Variants in STAG1 observed in about 807,000 individuals in gnomAD.
The protein encoded by STAG1 is cohesin subunit SA-1.
Under a neutral mutation model 170.9 loss-of-function variants are expected in STAG1, and 26 were observed. That is an observed-to-expected ratio of 0.15 (90% CI 0.11 to 0.21). STAG1 has a LOEUF of 0.21. Ranked by LOEUF, STAG1 falls within the 10% of genes least tolerant of loss-of-function variation. The probability of loss-of-function intolerance (pLI) is 1.00; values close to 1 mark genes in which losing one functional copy is unlikely to be tolerated. For synonymous variants in STAG1, 514 were observed against 497.7 expected (o/e 1.03, Z -0.44); for missense variants, 964 against 1,509.5 (o/e 0.64, Z 5.99).
At position 136,382,506 on chromosome 3, in the gene STAG1, G is replaced by A. The variant is rs187979651; in HGVS notation, c.2278-4754C>T. ...CAACCTCTGCCTCCTGGGTTCAAGC[G>A]ATTCTCCTACCTCAGCCTCCCAAAA... On this transcript the variant is annotated intron_variant, in intron 22 of 33. Coordinates refer to ENST00000383202, the MANE Select transcript of STAG1 (RefSeq NM_005862.3). Among the ~76,000 whole-genome samples, 4 of 151,276 alleles carry A rather than the reference G, an allele frequency of 2.6e-5. No individual in the cohort carries two copies. The East Asian group carries it at 5.9e-4, about 22-fold the overall frequency.
At chr3:136,564,959 G>A (rs972767685) in intron 5 of STAG1, among the ~76,000 whole-genome samples, 2 of 96,854 alleles carry the variant, frequency 2.1e-5, no homozygotes, top group South Asian at 3.8e-4. Flanking sequence ...TTTGACATGT[G>A]TATGAGGAAG....
chr3:136,718,239 A>G (rs1308334227), intron 1 of STAG1, among the ~76,000 whole-genome samples: 2 of 152,212 alleles, frequency 1.3e-5, no homozygotes, highest in Non-Finnish European at 2.9e-5. Flanking sequence ...TGGGGAGAAG[A>G]GTCTAGGTAT....
At chr3:136,515,944 C>T (rs1039720752) in intron 7 of STAG1, among the ~76,000 whole-genome samples, 7 of 151,230 alleles carry the variant, frequency 4.6e-5, no homozygotes, top group Non-Finnish European at 7.4e-5. Flanking sequence ...AAAAACACAA[C>T]GGTGAAAAAG....
chr3:136,567,820 C>A (rs1937137751), intron 5 of STAG1, among the ~76,000 whole-genome samples: 1 of 152,214 alleles, frequency 6.6e-6, no homozygotes, highest in Non-Finnish European at 1.5e-5. Flanking sequence ...ACACAGCTTG[C>A]CACATACTAA....
At chr3:136,511,953 C>A (rs1438819850) in intron 7 of STAG1, among the ~76,000 whole-genome samples, 3 of 151,640 alleles carry the variant, frequency 2.0e-5, no homozygotes, top group African/African-American at 7.3e-5. Flanking sequence ...ATAACCATAT[C>A]TCTAAGAAAA....
chr3:136,751,336 G>A (rs146674167), intron 1 of STAG1, among the ~76,000 whole-genome samples: 19 of 152,172 alleles, frequency 1.2e-4, no homozygotes, highest in African/African-American at 3.9e-4. Flanking sequence ...AAATTTCTTA[G>A]TACCCATACC....
chr3:136,713,476 G>C (rs766921028), intron 1 of STAG1, among the ~76,000 whole-genome samples: 11 of 151,762 alleles, frequency 7.2e-5, no homozygotes, highest in Non-Finnish European at 1.5e-4. Flanking sequence ...CCAGCTACTC[G>C]GGAGGCTGAG....
chr3:136,570,620 C>T (rs1185245084), intron 4 of STAG1, among the ~76,000 whole-genome samples: 2 of 152,192 alleles, frequency 1.3e-5, no homozygotes, highest in Non-Finnish European at 2.9e-5. Context: ...TTTCTCATAA[C>T]AAGTTGTAAT....
At chr3:136,526,008 A>T (rs1935001455) in intron 6 of STAG1, among the ~76,000 whole-genome samples, 1 of 152,194 alleles carries the variant, frequency 6.6e-6, no homozygotes, top group South Asian at 2.1e-4. Flanking sequence ...GGAGTGCTTT[A>T]CTTCCAACTA....
intron 19 of STAG1, among the ~76,000 whole-genome samples, chr3:136,421,630 T>C (rs1488926153): frequency 2.0e-5 from 3 of 152,058 alleles, no homozygotes; most frequent in Admixed American, 1.3e-4. Context: ...CTGCCTTATA[T>C]AGATTGATGA....
intron 22 of STAG1, among the ~76,000 whole-genome samples, chr3:136,397,896 A>G (rs1240535407): frequency 1.3e-5 from 2 of 151,766 alleles, no homozygotes; most frequent in Admixed American, 1.3e-4. Flanking sequence ...TTTAACTTCA[A>G]GAGGGTTGTT....
chr3:136,337,064 TTC>T lies in STAG1; in HGVS notation c.*1188_*1189del, dbSNP rs1178275222. 7 of 152,656 alleles carry T rather than the reference TTC, an allele frequency of 4.6e-5. No individual in the cohort carries two copies. Among genetic ancestry groups the T allele is most frequent in the African/African-American group, 1.4e-4 (6 of 41,464 alleles). The allele number at this position is 152,656 out of a possible 1,614,324, so 9.5% of individuals were successfully genotyped here. A position where few individuals can be genotyped will look rare whatever the true frequency, so the allele number is the denominator to read the frequency against. ...GTAGACTGTCCTGAAGATTCATAAT[TTC>T]TTTCCCCAAAAGAATTATTCTTAAT... On this transcript the variant is annotated 3_prime_UTR_variant, in exon 34 of 34. Coordinates refer to ENST00000383202, the MANE Select transcript of STAG1 (RefSeq NM_005862.3).
In STAG1 at chr3:136,337,692, T is replaced by C. The variant is rs1451744330; in HGVS notation, c.*562A>G. 6.5e-6 allele frequency: 1 copy of C among 152,700 alleles called. No individual in the cohort carries two copies. The highest frequency in any genetic ancestry group is 1.5e-5 in the Non-Finnish European group (1 of 68,066). 9.5% of individuals were successfully genotyped at this position (152,700 alleles called of 1,614,324 possible). ...TATGTCAGAATTTCATCTTAGCTTG[T>C]CAATGTTCTGCTCCTTCATTATTTG... On this transcript the variant is annotated 3_prime_UTR_variant, in exon 34 of 34. Transcript: ENST00000383202.
intron 1 of STAG1, among the ~76,000 whole-genome samples, chr3:136,747,777 A>ATTTT (rs755574502): frequency 7.0e-6 from 1 of 143,716 alleles, no homozygotes; most frequent in South Asian, 2.2e-4. Flanking sequence ...GAATTACGTA[A>ATTTT]TTTTTTTTTT....
chr3:136,682,467 A>T (rs1213289975), intron 1 of STAG1, among the ~76,000 whole-genome samples: 1 of 150,612 alleles, frequency 6.6e-6, no homozygotes, highest in Non-Finnish European at 1.5e-5. Context: ...ATATATACAC[A>T]TATGGACAGA....
At chr3:136,524,254 G>A (rs1054828872) in intron 6 of STAG1, among the ~76,000 whole-genome samples, 6 of 152,092 alleles carry the variant, frequency 3.9e-5, no homozygotes, top group Non-Finnish European at 7.4e-5. Context: ...ATTTGTTTGT[G>A]TCGTCTTTTA....
chr3:136,501,558 T>A (rs2107865041), intron 8 of STAG1, among the ~76,000 whole-genome samples: 1 of 152,324 alleles, frequency 6.6e-6, no homozygotes, highest in South Asian at 2.1e-4. Context: ...GAGAGAAGTC[T>A]GGAACACAAC....
At chr3:136,355,051 CA>C (rs1329399797) in intron 28 of STAG1, among the ~76,000 whole-genome samples, 2 of 151,740 alleles carry the variant, frequency 1.3e-5, no homozygotes, top group Non-Finnish European at 2.9e-5. Flanking sequence ...GAAGATGTAA[CA>C]ATTAAAAATG....
chr3:136,564,757 C>T (rs1936987615), intron 5 of STAG1, among the ~76,000 whole-genome samples: 1 of 151,834 alleles, frequency 6.6e-6, no homozygotes, highest in Non-Finnish European at 1.5e-5. Flanking sequence ...AAAGAAAAAA[C>T]AGTAATGGTT....
Sources: gnomAD v4.1 joint callset for allele counts (sites outside exome capture counted in the v4.1 genomes callset) on GRCh38, gnomAD v4.1.1 for gene constraint, MANE v1.5 for transcripts, NCBI Gene and HGNC (gene_info 2026-07-23, HGNC 2026-07-21) for gene names.